The following OPCML variants were observed in gnomAD, a reference collection of about 807,000 sequenced individuals.
The protein encoded by OPCML is opioid binding protein/cell adhesion molecule like.
OPCML carries 13 observed loss-of-function variants against 37.8 expected under a neutral mutation model. That is an observed-to-expected ratio of 0.34 (90% CI 0.22 to 0.55). The LOEUF (loss-of-function observed/expected upper bound fraction) is 0.55, where lower values mean the gene tolerates loss of function less well. Ranked by LOEUF, OPCML falls within the 20% of genes least tolerant of loss-of-function variation. The probability of loss-of-function intolerance (pLI) is 0.91; values close to 1 mark genes in which losing one functional copy is unlikely to be tolerated. For missense variants in OPCML, 341 were observed against 435.6 expected, an observed-to-expected ratio of 0.78 and a Z score of 1.93; for synonymous variants, 176 against 168.8, an observed-to-expected ratio of 1.04 and a Z score of -0.33.
chr11:132,827,678 C>T (rs1345928613), intron 2 of OPCML, among the ~76,000 whole-genome samples: 4 of 152,152 alleles, frequency 2.6e-5, no homozygotes, highest in Non-Finnish European at 1.5e-5. Flanking sequence ...CTCTCCCTGT[C>T]ACCCAGGCTG....
At chr11:133,105,291 A>G (rs1949139865) in intron 1 of OPCML, among the ~76,000 whole-genome samples, 1 of 152,246 alleles carries the variant, frequency 6.6e-6, no homozygotes, top group Non-Finnish European at 1.5e-5. Flanking sequence ...AGTCTTATTC[A>G]GACTAAGTGT....
chr11:132,977,682 T>C (rs1410294128), intron 1 of OPCML, among the ~76,000 whole-genome samples: 1 of 152,220 alleles, frequency 6.6e-6, no homozygotes, highest in Non-Finnish European at 1.5e-5. Flanking sequence ...GACAGAATTA[T>C]ATAGAGTGCA....
chr11:132,954,058 CT>C (rs1353559349), intron 1 of OPCML, among the ~76,000 whole-genome samples: 2 of 152,068 alleles, frequency 1.3e-5, no homozygotes, highest in Non-Finnish European at 1.5e-5. Context: ...TCTTGCCAAA[CT>C]TTTTTTATAT....
chr11:133,391,283 T>C (rs1291043911), intron 1 of OPCML, among the ~76,000 whole-genome samples: 2 of 152,252 alleles, frequency 1.3e-5, no homozygotes, highest in Admixed American at 1.3e-4. Context: ...CCTACTGGCA[T>C]TGCTCCTCCA....
intron 1 of OPCML, among the ~76,000 whole-genome samples, chr11:133,200,680 A>AT (rs1017031997): frequency 9.2e-5 from 14 of 152,210 alleles, no homozygotes; most frequent in Non-Finnish European, 1.6e-4. Context: ...ATTACAACTT[A>AT]TTTTTTCCAC....
chr11:132,734,708 T>C (rs985641890), intron 2 of OPCML, among the ~76,000 whole-genome samples: 1 of 152,200 alleles, frequency 6.6e-6, no homozygotes, highest in Non-Finnish European at 1.5e-5. Flanking sequence ...TACATAGCAA[T>C]AAGTAATTAA....
intron 2 of OPCML, among the ~76,000 whole-genome samples, chr11:132,708,140 G>A (rs1444772443): frequency 1.3e-5 from 2 of 152,170 alleles, no homozygotes; most frequent in East Asian, 3.9e-4. Context: ...ATTATTTAAA[G>A]TGAGTGCTGA....
chr11:133,260,921 A>G (rs1941474192), intron 1 of OPCML, among the ~76,000 whole-genome samples: 1 of 152,172 alleles, frequency 6.6e-6, no homozygotes, highest in South Asian at 2.1e-4. Flanking sequence ...AGAAACAAAA[A>G]AGGTGGAGGA....
intron 4 of OPCML, among the ~76,000 whole-genome samples, chr11:132,480,958 G>C (rs1342792397): frequency 2.0e-5 from 3 of 151,728 alleles, no homozygotes; most frequent in African/African-American, 7.3e-5. Flanking sequence ...GAAACTGCAT[G>C]AAATAATGAG....
At chr11:133,454,171 T>C (rs956868481) in intron 1 of OPCML, among the ~76,000 whole-genome samples, 1 of 152,224 alleles carries the variant, frequency 6.6e-6, no homozygotes, top group Non-Finnish European at 1.5e-5. Context: ...GGAAATCAAG[T>C]TTCATTTTTG....
At chr11:132,769,395 C>A (rs1946564877) in intron 2 of OPCML, among the ~76,000 whole-genome samples, 1 of 151,992 alleles carries the variant, frequency 6.6e-6, no homozygotes, top group African/African-American at 2.4e-5. Flanking sequence ...ATCCAGACAT[C>A]CCCACAAACA....
At chr11:133,163,795 T>C (rs1020852487) in intron 1 of OPCML, among the ~76,000 whole-genome samples, 1 of 152,190 alleles carries the variant, frequency 6.6e-6, no homozygotes, top group Non-Finnish European at 1.5e-5. Flanking sequence ...GACAGAGAAA[T>C]AGCAGCTGCG....
intron 1 of OPCML, chr11:133,423,217 A>G: frequency 1.0e-6 from 1 of 985,408 alleles, no homozygotes; most frequent in Non-Finnish European, 1.2e-6. Flanking sequence ...CCCCTTGATC[A>G]TTTTAATTGC....
chr11:132,648,338 A>G (rs73593153), intron 3 of OPCML, among the ~76,000 whole-genome samples: 6,834 of 152,250 alleles, frequency 0.045, 381 homozygotes, highest in African/African-American at 0.13. Context: ...ATTGGCAGAC[A>G]GGTCTCTTCG....
intron 1 of OPCML, among the ~76,000 whole-genome samples, chr11:133,217,845 G>C (rs1412401478): frequency 6.6e-6 from 1 of 152,080 alleles, no homozygotes; most frequent in Non-Finnish European, 1.5e-5. Context: ...TTGAGCCCAG[G>C]GCAGCCTGGG....
At chr11:132,473,081 C>A (rs900620756) in intron 4 of OPCML, among the ~76,000 whole-genome samples, 1 of 152,112 alleles carries the variant, frequency 6.6e-6, no homozygotes, top group Non-Finnish European at 1.5e-5. Context: ...CTGTTTAATG[C>A]ACGGCAATGA....
chr11:132,546,838 C>T lies in OPCML; in HGVS notation c.380-17652G>A, dbSNP rs541839348. Among the ~76,000 whole-genome samples, 4 of 152,318 alleles carry T rather than the reference C, an allele frequency of 2.6e-5. No individual in the cohort carries two copies. The East Asian group carries it at 7.7e-4, about 29-fold the overall frequency. On this transcript the variant is annotated intron_variant, in intron 3 of 7. Transcript: ENST00000524381. ...GCAGGTGGACAGTGCTCAAATATGACTGCTCTCATACACTGCACATTGCAT... is the reference window on the plus strand; with the variant it reads ...GCAGGTGGACAGTGCTCAAATATGATTGCTCTCATACACTGCACATTGCAT...
In OPCML at chr11:133,320,428, T is replaced by A. The variant is rs569544084; in HGVS notation, c.61+211836A>T. 3.7e-4 allele frequency among the ~76,000 whole-genome samples: 56 copies of A among 152,324 alleles called. 1 individual carries two copies. The highest frequency in any genetic ancestry group is 1.3e-3 in the African/African-American group (56 of 41,572). Reference sequence around the variant, plus strand: ...TTTCAGAAGTTTTCTCCTCTAAGTATCTATTCCTCACACATAAAATAAGAG... The same window carrying A: ...TTTCAGAAGTTTTCTCCTCTAAGTAACTATTCCTCACACATAAAATAAGAG... On this transcript the variant is annotated intron_variant, in intron 1 of 7. Coordinates refer to ENST00000524381, the MANE Select transcript of OPCML (RefSeq NM_001012393.5).
In OPCML at chr11:132,730,442, G is replaced by A. The variant is rs540370144; in HGVS notation, c.147-73123C>T. 9.2e-5 allele frequency among the ~76,000 whole-genome samples: 14 copies of A among 152,140 alleles called. No individual in the cohort carries two copies. In the South Asian group the frequency reaches 1.0e-3, roughly 11 times the overall value. On this transcript the variant is annotated intron_variant, in intron 2 of 7. Transcript: ENST00000524381. ...AAAGGAAATGAAGAATAGCGGGTGT[G>A]GGAAAATAGCTCTGATCCTCCCTTG...
Sources: allele counts gnomAD v4.1 joint callset (sites outside exome capture counted in the v4.1 genomes callset), GRCh38; gene constraint gnomAD v4.1.1; transcripts MANE v1.5; gene names NCBI Gene and HGNC (gene_info 2026-07-23, HGNC 2026-07-21).